The following LDB3 variants were observed in gnomAD, a reference collection of about 807,000 sequenced individuals.
The protein encoded by LDB3 is LIM domain-binding protein 3.
Under a neutral mutation model 69.0 loss-of-function variants are expected in LDB3, and 49 were observed. That is an observed-to-expected ratio of 0.71 (90% CI 0.56 to 0.90). The LOEUF (loss-of-function observed/expected upper bound fraction) is 0.90, where lower values mean the gene tolerates loss of function less well. LDB3 is among the 40% of genes least tolerant of loss of function. The pLI is 0.00. For synonymous variants in LDB3, 387 were observed against 396.2 expected (o/e 0.98, Z 0.28); for missense variants, 928 against 974.1 (o/e 0.95, Z 0.63).
intron 7 of LDB3, among the ~76,000 whole-genome samples, chr10:86,702,213 C>G (rs1203231815): frequency 6.6e-6 from 1 of 152,152 alleles, no homozygotes; most frequent in Non-Finnish European, 1.5e-5. Flanking sequence ...GCATCATCAC[C>G]CCCACAGTGG....
At chr10:86,723,268 TAAA>T (rs56259917) in intron 12 of LDB3, among the ~76,000 whole-genome samples, 13,519 of 47,832 alleles carry the variant, frequency 0.28, 771 homozygotes, top group East Asian at 0.52. Context: ...AGACTCAATC[TAAA>T]AAAAAAAAAA....
intron 7 of LDB3, among the ~76,000 whole-genome samples, chr10:86,696,372 A>AC (rs1199499146): frequency 6.6e-6 from 1 of 152,090 alleles, no homozygotes; most frequent in African/African-American, 2.4e-5. Context: ...GAGTTTGAAA[A>AC]CCACAACTGG....
intron 12 of LDB3, among the ~76,000 whole-genome samples, chr10:86,719,940 G>A (rs1236748568): frequency 2.0e-5 from 3 of 152,198 alleles, no homozygotes; most frequent in Non-Finnish European, 4.4e-5. Context: ...GGCTAAGACA[G>A]TAGAACCAGA....
At chr10:86,685,037 G>A (rs1435250149) in intron 5 of LDB3, among the ~76,000 whole-genome samples, 1 of 152,164 alleles carries the variant, frequency 6.6e-6, no homozygotes, top group African/African-American at 2.4e-5. Flanking sequence ...TGGCCCAAGG[G>A]GCCTTTAGGA....
intron 9 of LDB3, among the ~76,000 whole-genome samples, chr10:86,711,674 C>T (rs1846673245): frequency 6.6e-6 from 1 of 151,656 alleles, no homozygotes; most frequent in South Asian, 2.1e-4. Context: ...GGGCCTCCTC[C>T]GGGCCGAGGG....
At chr10:86,725,002 G>C (rs940140211) in intron 12 of LDB3, among the ~76,000 whole-genome samples, 1 of 152,174 alleles carries the variant, frequency 6.6e-6, no homozygotes, top group Non-Finnish European at 1.5e-5. Context: ...TAACCCCCAT[G>C]GCACACTGGC....
intron 12 of LDB3, among the ~76,000 whole-genome samples, chr10:86,723,422 C>T (rs1038546737): frequency 3.9e-5 from 6 of 152,018 alleles, no homozygotes; most frequent in Non-Finnish European, 7.4e-5. Flanking sequence ...CCCTGAAGGA[C>T]AGCCTAGCAC....
chr10:86,724,611 A>T (rs7476032), intron 12 of LDB3, among the ~76,000 whole-genome samples: 2 of 151,628 alleles, frequency 1.3e-5, no homozygotes, highest in East Asian at 3.9e-4. Context: ...GCAAAAAAAA[A>T]TAAAAATAAA....
intron 7 of LDB3, among the ~76,000 whole-genome samples, chr10:86,694,898 G>A (rs1404324563): frequency 3.3e-5 from 5 of 152,200 alleles, no homozygotes; most frequent in African/African-American, 9.7e-5. Context: ...TCCCAAGTTC[G>A]AAGCTGCACC....
intron 12 of LDB3, among the ~76,000 whole-genome samples, chr10:86,720,450 AAAAG>A (rs1031120369): frequency 6.6e-5 from 10 of 151,768 alleles, no homozygotes; most frequent in African/African-American, 1.7e-4. Flanking sequence ...TCTGAAAAAA[AAAAG>A]AAAGAAAGAA....
chr10:86,682,709 T>G (rs1845232274), intron 5 of LDB3, among the ~76,000 whole-genome samples: 1 of 152,192 alleles, frequency 6.6e-6, no homozygotes, highest in Admixed American at 6.5e-5. Context: ...ACACTGTCCA[T>G]GTCTCAGGGT....
intron 5 of LDB3, among the ~76,000 whole-genome samples, chr10:86,683,963 G>A (rs758289103): frequency 6.6e-5 from 10 of 152,318 alleles, no homozygotes; most frequent in East Asian, 3.9e-4. Context: ...TAATTTGCCC[G>A]GAGTCACAGT....
chr10:86,715,283 A>G (rs1294954365), intron 9 of LDB3, among the ~76,000 whole-genome samples: 1 of 151,700 alleles, frequency 6.6e-6, no homozygotes, highest in Non-Finnish European at 1.5e-5. Flanking sequence ...GGGTTGGGGG[A>G]ATGAGGCCTC....
upstream of LDB3, chr10:86,666,867 C>A (rs569420973): frequency 6.4e-6 from 3 of 470,288 alleles, no homozygotes; most frequent in South Asian, 4.6e-5. Flanking sequence ...TCCCCCAGCT[C>A]CCTGGCCCTG....
intron 2 of LDB3, among the ~76,000 whole-genome samples, chr10:86,671,910 G>C (rs2132332003): frequency 6.6e-6 from 1 of 152,284 alleles, no homozygotes; most frequent in African/African-American, 2.4e-5. Context: ...TCAGGAGTTT[G>C]AGACCAGCCT....
intron 12 of LDB3, among the ~76,000 whole-genome samples, chr10:86,722,806 A>T (rs1172710893): frequency 6.6e-6 from 1 of 150,880 alleles, no homozygotes; most frequent in Non-Finnish European, 1.5e-5. Context: ...TGACCTCGTG[A>T]TCTACCTGCC....
intron 13 of LDB3, chr10:86,732,639 T>A: frequency 2.0e-6 from 1 of 502,930 alleles, no homozygotes. Context: ...GTAGCTGGGA[T>A]TACAGGCACA....
chr10:86,710,198 T>A, intron 9 of LDB3, 148 bp downstream of exon 9: 1 of 1,521,990 alleles, frequency 6.6e-7, no homozygotes, highest in Non-Finnish European at 8.8e-7. Flanking sequence ...GTCCCCTAGC[T>A]GTGGGTCAGA....
rs2132501905 is a variant in LDB3 at position 86,725,380 on chromosome 10, T to A, written c.1979-757T>A. On this transcript the variant is annotated intron_variant, in intron 12 of 13. Coordinates refer to ENST00000361373, the MANE Select transcript of LDB3 (RefSeq NM_007078.3). ...AATAATAGTTCAATTTCTGAGGGATTTTGTGATGATCAGTTTCATTCATTG... is the reference window on the plus strand; with the variant it reads ...AATAATAGTTCAATTTCTGAGGGATATTGTGATGATCAGTTTCATTCATTG... Among the ~76,000 whole-genome samples the A allele has an allele frequency of 1.3e-5, 2 of 152,288 alleles. 1 individual carries two copies. The highest frequency in any genetic ancestry group is 4.2e-4 in the South Asian group (2 of 4,818).
Sources: gnomAD v4.1 joint callset for allele counts (sites outside exome capture counted in the v4.1 genomes callset) on GRCh38, gnomAD v4.1.1 for gene constraint, MANE v1.5 for transcripts, NCBI Gene and HGNC (gene_info 2026-07-23, HGNC 2026-07-21) for gene names.